The following DOCK4 variants were observed in gnomAD, a reference collection of about 807,000 sequenced individuals.
The protein encoded by DOCK4 is dedicator of cytokinesis protein 4.
DOCK4 carries 97 observed loss-of-function variants against 268.1 expected under a neutral mutation model. That is an observed-to-expected ratio of 0.36 (90% confidence interval 0.31 to 0.43). The LOEUF (loss-of-function observed/expected upper bound fraction) is 0.43, where lower values mean the gene tolerates loss of function less well. Among genes scored for constraint, DOCK4 ranks in the 20% least tolerant of loss-of-function variants. The pLI is 1.00. For missense variants in DOCK4, 2,145 were observed against 2,455.7 expected, an observed-to-expected ratio of 0.87 and a Z score of 2.67; for synonymous variants, 954 against 887.2, an observed-to-expected ratio of 1.08 and a Z score of -1.34.
At chr7:112,064,304 C>A (rs1806722524) in intron 1 of DOCK4, among the ~76,000 whole-genome samples, 1 of 152,118 alleles carries the variant, frequency 6.6e-6, no homozygotes. Flanking sequence ...AGTCTATAAA[C>A]CAACCAATAT....
chr7:111,892,558 G>C (rs1808378299), intron 16 of DOCK4, among the ~76,000 whole-genome samples: 1 of 152,170 alleles, frequency 6.6e-6, no homozygotes, highest in Non-Finnish European at 1.5e-5. Flanking sequence ...AGGAAGGTAG[G>C]AATCCAGCTC....
At chr7:112,051,742 G>A (rs1224935970) in intron 1 of DOCK4, among the ~76,000 whole-genome samples, 1 of 152,028 alleles carries the variant, frequency 6.6e-6, no homozygotes, top group Non-Finnish European at 1.5e-5. Flanking sequence ...ATTATTATAT[G>A]AGATGATTTC....
At chr7:112,025,862 A>G (rs1802737345) in intron 1 of DOCK4, among the ~76,000 whole-genome samples, 1 of 152,078 alleles carries the variant, frequency 6.6e-6, no homozygotes, top group Non-Finnish European at 1.5e-5. Context: ...TTTAGACTCA[A>G]CTGAGAGAGT....
At chr7:112,167,514 C>T (rs952214985) in intron 1 of DOCK4, among the ~76,000 whole-genome samples, 6 of 152,112 alleles carry the variant, frequency 3.9e-5, no homozygotes, top group African/African-American at 1.4e-4. Flanking sequence ...CCATGAAGAA[C>T]ATTAGGAATT....
At chr7:111,951,933 G>A (rs1796082827) in intron 8 of DOCK4, among the ~76,000 whole-genome samples, 1 of 151,874 alleles carries the variant, frequency 6.6e-6, no homozygotes, top group Non-Finnish European at 1.5e-5. Flanking sequence ...AAGAGTTTTT[G>A]TGTGAATATT....
chr7:111,952,964 G>A (rs1318345928), intron 8 of DOCK4, among the ~76,000 whole-genome samples: 1 of 152,062 alleles, frequency 6.6e-6, no homozygotes, highest in Non-Finnish European at 1.5e-5. Flanking sequence ...AGTGACTCAC[G>A]CCTGAAATCC....
In DOCK4 at chr7:112,166,302, CA is replaced by C. The variant is rs962329911; in HGVS notation, c.37+39799del. Among the ~76,000 whole-genome samples the C allele has an allele frequency of 2.6e-5, 4 of 151,668 alleles. No homozygotes were observed. The East Asian group carries it at 5.8e-4, about 22-fold the overall frequency. On this transcript the variant is annotated intron_variant, in intron 1 of 52. Coordinates refer to ENST00000428084, the MANE Select transcript of DOCK4 (RefSeq NM_001363540.2). ...AAACATGCTCTTGGGGTATGACTGA[CA>C]AAAAAAAGCTGTACATCTTTAATGT...
chr7:111,770,162 G>T (rs1288864197), intron 36 of DOCK4, among the ~76,000 whole-genome samples: 1 of 150,760 alleles, frequency 6.6e-6, no homozygotes, highest in Non-Finnish European at 1.5e-5. Flanking sequence ...TGAGGAGGGG[G>T]TTCAGAGTGG....
rs1468288843 is a variant in DOCK4, at chr7:111,933,292, ATATATAT to A, written c.1066+2241_1066+2247del. On this transcript the variant is annotated intron_variant, in intron 12 of 52. Coordinates refer to ENST00000428084, the MANE Select transcript of DOCK4 (RefSeq NM_001363540.2). ...TATACATATATACATATATATATATATATATATTTTTTTTTTTTTTTGAGATGGAGTC... is the reference window on the plus strand; with the variant it reads ...TATACATATATACATATATATATATATTTTTTTTTTTTTTGAGATGGAGTC... Among the ~76,000 whole-genome samples, 902 of 118,708 alleles carry A rather than the reference ATATATAT, an allele frequency of 7.6e-3. 29 individuals are homozygous for A. The highest frequency in any genetic ancestry group is 0.013 in the Non-Finnish European group (743 of 57,662). 77.9% of individuals were successfully genotyped at this position (118,708 alleles called of 152,430 possible). A position where few individuals can be genotyped will look rare whatever the true frequency, so the allele number is the denominator to read the frequency against.
chr7:111,819,120 G>T (rs1801786266), intron 27 of DOCK4, among the ~76,000 whole-genome samples: 2 of 152,146 alleles, frequency 1.3e-5, no homozygotes, highest in South Asian at 4.1e-4. Flanking sequence ...TGCATGATAT[G>T]TTTGAGGCCA....
intron 1 of DOCK4, among the ~76,000 whole-genome samples, chr7:112,022,035 G>A (rs1802364876): frequency 6.6e-6 from 1 of 152,106 alleles, no homozygotes; most frequent in African/African-American, 2.4e-5. Context: ...CCATGAGCAG[G>A]GACATTAACT....
At chr7:111,923,197 A>T (rs1793304535) in intron 12 of DOCK4, among the ~76,000 whole-genome samples, 1 of 152,216 alleles carries the variant, frequency 6.6e-6, no homozygotes, top group Non-Finnish European at 1.5e-5. Flanking sequence ...AAAGTATATG[A>T]GGGGATGTGC....
intron 1 of DOCK4, among the ~76,000 whole-genome samples, chr7:112,093,032 T>C (rs1004688508): frequency 1.3e-5 from 2 of 152,184 alleles, no homozygotes; most frequent in Admixed American, 1.3e-4. Context: ...CATATGGGCA[T>C]CATTATGGAA....
intron 22 of DOCK4, among the ~76,000 whole-genome samples, chr7:111,864,080 C>T (rs1805774640): frequency 6.6e-6 from 1 of 152,176 alleles, no homozygotes; most frequent in South Asian, 2.1e-4. Context: ...TCCAATAACT[C>T]TGTGACTTTG....
intron 31 of DOCK4, chr7:111,788,997 TCAAACA>T (rs1563506628): frequency 1.9e-6 from 1 of 528,106 alleles, no homozygotes. Flanking sequence ...ATTTGTTGAT[TCAAACA>T]CAAATGCTTG....
At chr7:111,930,086 C>T (rs1794074611) in intron 12 of DOCK4, among the ~76,000 whole-genome samples, 2 of 152,302 alleles carry the variant, frequency 1.3e-5, no homozygotes, top group East Asian at 1.9e-4. Context: ...ACCAGGCTCA[C>T]ATTAATGAAT....
intron 36 of DOCK4, among the ~76,000 whole-genome samples, chr7:111,774,420 T>C (rs1018602800): frequency 3.3e-5 from 5 of 152,014 alleles, no homozygotes; most frequent in Admixed American, 2.6e-4. Context: ...TGGGCCGAGA[T>C]TGCACCACTG....
chr7:111,823,204 CTTTTT>C lies in DOCK4; in HGVS notation c.2836-753_2836-749del, dbSNP rs917904625. Among the ~76,000 whole-genome samples, 7 of 116,264 alleles carry C rather than the reference CTTTTT, an allele frequency of 6.0e-5. No homozygotes were observed. In the East Asian group the frequency reaches 9.8e-4, roughly 16 times the overall value. The allele number at this position is 116,264 out of a possible 152,430, so 76.3% of individuals were successfully genotyped here. On this transcript the variant is annotated intron_variant, in intron 26 of 52. Transcript: ENST00000428084. ...GCTATCATCAGACATGGAAATATTA[CTTTTT>C]TTTTTTTTTTTTTTTTTAGACGGAG...
chr7:111,766,780 TTAATCC>T (rs1797786038), intron 38 of DOCK4, among the ~76,000 whole-genome samples: 1 of 152,214 alleles, frequency 6.6e-6, no homozygotes, highest in Non-Finnish European at 1.5e-5. Flanking sequence ...ACTAAAAGTG[TTAATCC>T]TGGATTAGAT....
Sources: allele counts gnomAD v4.1 joint callset (sites outside exome capture counted in the v4.1 genomes callset), GRCh38; gene constraint gnomAD v4.1.1; transcripts MANE v1.5; gene names NCBI Gene and HGNC (gene_info 2026-07-23, HGNC 2026-07-21).